The following MSI2 variants were observed in gnomAD, a reference collection of about 807,000 sequenced individuals.
The protein encoded by MSI2 is musashi RNA binding protein 2.
In MSI2, 17 loss-of-function variants were observed where a neutral mutation model predicts 45.6. The observed-to-expected ratio is 0.37, with a 90% CI of 0.26 to 0.56. MSI2 has a LOEUF of 0.56. Ranked by LOEUF, MSI2 falls within the 20% of genes least tolerant of loss-of-function variation. The pLI, the probability that MSI2 is intolerant of heterozygous loss-of-function variation, is 0.77. For missense variants in MSI2, 293 were observed against 444.2 expected (o/e 0.66, Z 3.06); for synonymous variants, 156 against 158.2 (o/e 0.99, Z 0.11).
At chr17:57,506,635 G>A (rs577579808) in intron 6 of MSI2, among the ~76,000 whole-genome samples, 2 of 152,144 alleles carry the variant, frequency 1.3e-5, no homozygotes, top group Non-Finnish European at 2.9e-5. Flanking sequence ...GGCTGCTGTC[G>A]GGGGAGGCCA....
intron 6 of MSI2, among the ~76,000 whole-genome samples, chr17:57,476,244 G>A (rs2085535137): frequency 6.6e-6 from 1 of 152,170 alleles, no homozygotes; most frequent in Non-Finnish European, 1.5e-5. Flanking sequence ...GGGTCTCTGA[G>A]CAGAAGTCAA....
intron 7 of MSI2, among the ~76,000 whole-genome samples, chr17:57,551,533 G>A (rs2087304725): frequency 2.0e-5 from 3 of 152,150 alleles, no homozygotes; most frequent in Non-Finnish European, 4.4e-5. Context: ...GGTGCCTGAT[G>A]TGTGCCAGTT....
intron 6 of MSI2, among the ~76,000 whole-genome samples, chr17:57,430,469 G>A (rs1006127703): frequency 5.3e-5 from 8 of 152,198 alleles, no homozygotes; most frequent in African/African-American, 1.2e-4. Context: ...CCCCACTCCT[G>A]GTCTGGCAAA....
In MSI2 at chr17:57,402,632, A is replaced by G. The variant is rs149201743; in HGVS notation, c.405+1161A>G. Among the ~76,000 whole-genome samples the G allele has an allele frequency of 1.9e-3, 290 of 152,286 alleles. 1 individual carries two copies. The highest frequency in any genetic ancestry group is 6.3e-3 in the African/African-American group (261 of 41,556). On this transcript the variant is annotated intron_variant, in intron 6 of 13. Transcript: ENST00000284073. ...CCCCAGGTGTGTCTGTTTGTGAACT[A>G]CTGTCTGGGATGAGGGCCATGACCT...
At chr17:57,603,626 G>A (rs4793555) in intron 8 of MSI2, among the ~76,000 whole-genome samples, 75 of 152,324 alleles carry the variant, frequency 4.9e-4, no homozygotes, top group Admixed American at 2.3e-3. Context: ...CTAAGCCAGG[G>A]GCCAGCAAAT....
chr17:57,262,904 G>A (rs1907452239), intron 5 of MSI2, among the ~76,000 whole-genome samples: 2 of 152,202 alleles, frequency 1.3e-5, no homozygotes, highest in East Asian at 3.8e-4. Flanking sequence ...GAACACAGTT[G>A]CTTGAAGCCT....
At chr17:57,640,561 C>G (rs573520978) in intron 10 of MSI2, among the ~76,000 whole-genome samples, 1 of 152,210 alleles carries the variant, frequency 6.6e-6, no homozygotes, top group Non-Finnish European at 1.5e-5. Context: ...CTCACTGAAT[C>G]ACTGATCTTC....
chr17:57,524,678 T>C (rs1470881483), intron 6 of MSI2, among the ~76,000 whole-genome samples: 1 of 152,220 alleles, frequency 6.6e-6, no homozygotes, highest in East Asian at 1.9e-4. Flanking sequence ...TCTTATCATC[T>C]TTTCCATCGT....
chr17:57,567,000 G>A (rs1212577127), intron 7 of MSI2, among the ~76,000 whole-genome samples: 1 of 152,206 alleles, frequency 6.6e-6, no homozygotes, highest in Non-Finnish European at 1.5e-5. Context: ...TGCCCTGGAG[G>A]GTGATGTTTC....
intron 6 of MSI2, among the ~76,000 whole-genome samples, chr17:57,441,014 C>T (rs1343660520): frequency 6.6e-6 from 1 of 152,224 alleles, no homozygotes; most frequent in Non-Finnish European, 1.5e-5. Context: ...CTGCCCCCTG[C>T]CGCTCTCCCA....
At chr17:57,600,997 A>G (rs551287234) in intron 8 of MSI2, 14 of 152,378 alleles carry the variant, frequency 9.2e-5, no homozygotes, top group African/African-American at 3.1e-4. Flanking sequence ...CCAGAAAGCT[A>G]TACTCCAGAG....
chr17:57,530,966 T>C (rs1005151432), intron 7 of MSI2, among the ~76,000 whole-genome samples: 5 of 108,796 alleles, frequency 4.6e-5, no homozygotes, highest in Non-Finnish European at 9.0e-5. Context: ...AGGGAAGAGA[T>C]GGCAGGGGGT....
intron 6 of MSI2, among the ~76,000 whole-genome samples, chr17:57,510,086 G>A (rs530998849): frequency 6.6e-6 from 1 of 151,958 alleles, no homozygotes; most frequent in Non-Finnish European, 1.5e-5. Flanking sequence ...TCTTAATTGC[G>A]CTGTTTGTCA....
chr17:57,667,934 C>T (rs1004590545), intron 11 of MSI2, among the ~76,000 whole-genome samples: 27 of 152,214 alleles, frequency 1.8e-4, no homozygotes, highest in African/African-American at 6.3e-4. Flanking sequence ...CACAGTGGCT[C>T]AGGCCTGTAA....
intron 5 of MSI2, among the ~76,000 whole-genome samples, chr17:57,273,219 A>G (rs1043165465): frequency 1.3e-5 from 2 of 152,116 alleles, no homozygotes; most frequent in African/African-American, 4.8e-5. Flanking sequence ...GCCCTTAGGA[A>G]ATTAGAGTGT....
intron 6 of MSI2, among the ~76,000 whole-genome samples, chr17:57,419,877 C>G (rs1598246888): frequency 6.6e-6 from 1 of 152,138 alleles, no homozygotes; most frequent in African/African-American, 2.4e-5. Flanking sequence ...CTGCTTCTGC[C>G]CCTGAGTCCG....
At chr17:57,435,578 G>A (rs992882970) in intron 6 of MSI2, among the ~76,000 whole-genome samples, 1 of 152,112 alleles carries the variant, frequency 6.6e-6, no homozygotes, top group Non-Finnish European at 1.5e-5. Context: ...TTCTTCTGTC[G>A]TACACCTCTA....
intron 6 of MSI2, among the ~76,000 whole-genome samples, chr17:57,406,139 T>C (rs1171875644): frequency 6.6e-6 from 1 of 152,162 alleles, no homozygotes; most frequent in Admixed American, 6.5e-5. Flanking sequence ...GGTTTCTTAG[T>C]GGACGTTATC....
At chr17:57,664,907 A>G (rs960485977) in intron 11 of MSI2, among the ~76,000 whole-genome samples, 1 of 152,176 alleles carries the variant, frequency 6.6e-6, no homozygotes, top group African/African-American at 2.4e-5. Context: ...GGAGTTTTTA[A>G]ACTGTGCAGT....
Sources: allele counts gnomAD v4.1 joint callset (sites outside exome capture counted in the v4.1 genomes callset), GRCh38; gene constraint gnomAD v4.1.1; transcripts MANE v1.5; gene names NCBI Gene and HGNC (gene_info 2026-07-23, HGNC 2026-07-21).